The following SLC16A4 variants were observed in gnomAD, a reference collection of about 807,000 sequenced individuals.
The protein encoded by SLC16A4 is probable monocarboxylate transporter 5.
SLC16A4 carries 39 observed loss-of-function variants against 47.9 expected under a neutral mutation model. The observed-to-expected ratio is 0.81, with a 90% CI of 0.63 to 1.06. The LOEUF is 1.06. Ranked by LOEUF, SLC16A4 falls within the 50% of genes least tolerant of loss-of-function variation. The probability of loss-of-function intolerance (pLI) is 0.00; values close to 1 mark genes in which losing one functional copy is unlikely to be tolerated. For synonymous variants in SLC16A4, 189 were observed against 199.9 expected, an observed-to-expected ratio of 0.95 and a Z score of 0.46; for missense variants, 524 against 573.8, an observed-to-expected ratio of 0.91 and a Z score of 0.89.
intron 3 of SLC16A4, among the ~76,000 whole-genome samples, chr1:110,382,191 GC>G (rs1662438938): frequency 6.6e-6 from 1 of 152,210 alleles, no homozygotes; most frequent in African/African-American, 2.4e-5. Flanking sequence ...GAGGCTGGAC[GC>G]CGTGGCTCTT....
At chr1:110,373,136 C>T (rs1661774549) in intron 8 of SLC16A4, 1 of 152,108 alleles carries the variant, frequency 6.6e-6, no homozygotes, top group Non-Finnish European at 1.5e-5. Flanking sequence ...TTTGACTTGT[C>T]TTCTCGGAGT....
At chr1:110,380,292 C>T (rs1662300620) in intron 5 of SLC16A4, among the ~76,000 whole-genome samples, 2 of 152,066 alleles carry the variant, frequency 1.3e-5, no homozygotes, top group South Asian at 4.1e-4. Flanking sequence ...TCCCATTCAC[C>T]ATGAGACTAC....
In SLC16A4 at chr1:110,376,972, A is replaced by G; in HGVS notation, c.1220T>C (p.Leu407Pro). The G allele has an allele frequency of 6.2e-7, 1 of 1,614,052 alleles. No homozygotes were observed. The highest frequency in any genetic ancestry group is 8.5e-7 in the Non-Finnish European group (1 of 1,179,924). ...CACCAGTACAGGCAGTATCAATGCC[A>G]GGTAACCACCAGCAAAGATGGCAAA... ...ICFAIFAGGY[L>P]ALILPVLVDL... Residue 407 changes from leucine to proline, a missense_variant, in exon 7 of 9, where the codon CTG (leucine) becomes CCG (proline). Leu to Pro is a moderately conservative substitution (Grantham distance 98). Coordinates refer to ENST00000369779, the MANE Select transcript of SLC16A4 (RefSeq NM_004696.3).
intron 8 of SLC16A4, chr1:110,370,472 T>C (rs758695728): frequency 1.3e-5 from 2 of 152,126 alleles, no homozygotes; most frequent in Non-Finnish European, 2.9e-5. Flanking sequence ...TATCTGAAAT[T>C]GAGGATGGGA....
At chr1:110,363,936 C>A in intron 8 of SLC16A4, 43 bp from the exon 9 acceptor site, 1 of 1,584,868 alleles carries the variant, frequency 6.3e-7, no homozygotes, top group South Asian at 1.2e-5. Flanking sequence ...GAAATTTTGC[C>A]ATTAGTAACT....
intron 8 of SLC16A4, among the ~76,000 whole-genome samples, chr1:110,369,080 A>G (rs753370656): frequency 6.6e-5 from 10 of 150,660 alleles, no homozygotes; most frequent in South Asian, 2.1e-4. Context: ...CCAACCTCCC[A>G]AGTAGCTGGG....
chr1:110,379,069 A>G lies in SLC16A4; in HGVS notation c.814T>C (p.Leu272=), dbSNP rs746499286. The G allele has an allele frequency of 6.2e-7, 1 of 1,614,238 alleles. No individual in the cohort carries two copies. Among genetic ancestry groups the G allele is most frequent in the South Asian group, 1.1e-5 (1 of 91,088 alleles). ...TCACTTTCTTCATCACTCTTTAATA[A>G]CAGTCTGTTCCTGTTAGGCCCATTG... ...FYNGPNRNRL[L]LKSDEESDKV... Residue 272 remains leucine, a synonymous_variant, in exon 6 of 9, where the codon TTA becomes CTA. Transcript: ENST00000369779.
intron 8 of SLC16A4, among the ~76,000 whole-genome samples, chr1:110,374,097 C>G (rs1419103204): frequency 6.7e-6 from 1 of 150,140 alleles, no homozygotes; most frequent in Non-Finnish European, 1.5e-5. Flanking sequence ...TGAAGTGGTG[C>G]AAAGTGAAGT....
rs1189993368 is a variant in SLC16A4 at position 110,381,651 on chromosome 1, C to G, written c.364+1G>C. The stretch of plus-strand genomic sequence containing the variant: ...TGGTCACATAATTACAATGGACTCA[C>G]CGGGTAGAAGTCCCATAGTCACACA... On this transcript the variant is annotated splice_donor_variant, in intron 4 of 8. Coordinates refer to ENST00000369779, the MANE Select transcript of SLC16A4 (RefSeq NM_004696.3). LOFTEE classifies it high-confidence loss of function. 1.2e-6 allele frequency: 2 copies of G among 1,610,230 alleles called. No homozygotes were observed. Among genetic ancestry groups the G allele is most frequent in the Non-Finnish European group, 1.7e-6 (2 of 1,179,126 alleles).
chr1:110,363,879 A>G lies in SLC16A4; in HGVS notation c.1351T>C (p.Tyr451His), dbSNP rs985614996. Residue 451 changes from tyrosine (Y) to histidine (H), a missense_variant, in exon 9 of 9, where the codon TAT (tyrosine) becomes CAT (histidine). By Grantham distance (83) the Tyr-to-His change is moderately conservative (BLOSUM62 2). Coordinates refer to ENST00000369779, the MANE Select transcript of SLC16A4 (RefSeq NM_004696.3). The stretch of plus-strand genomic sequence containing the variant: ...AAAGAGCCATTGTATGTCTGGGTAT[A>G]ATCATATAACCAGCCTGGAAGGAAG... ...GPPIAGWLYD[Y>H]TQTYNGSFYF... 23 of 1,611,046 alleles carry G rather than the reference A, an allele frequency of 1.4e-5. No individual in the cohort carries two copies. The highest frequency in any genetic ancestry group is 2.0e-5 in the Non-Finnish European group (23 of 1,178,998).
chr1:110,381,277 T>C, intron 4 of SLC16A4, 134 bp from the exon 5 acceptor site: 1 of 704,114 alleles, frequency 1.4e-6, no homozygotes, highest in African/African-American at 1.8e-5. Context: ...AAGAGTCCTG[T>C]TCCATCTTCT....
At chr1:110,370,498 C>G (rs722570) in intron 8 of SLC16A4, 1 of 151,914 alleles carries the variant, frequency 6.6e-6, no homozygotes, top group African/African-American at 2.4e-5. Context: ...AGGAAATGAC[C>G]TATCATTTCA....
chr1:110,380,860 C>T (rs1570648440), intron 5 of SLC16A4, 122 bp downstream of exon 5: 1 of 816,186 alleles, frequency 1.2e-6, no homozygotes. Flanking sequence ...ATGCTCATTT[C>T]CTCTCTTGCA....
At chr1:110,382,322 G>C (rs183631707) in intron 3 of SLC16A4, among the ~76,000 whole-genome samples, 137 of 152,306 alleles carry the variant, frequency 9.0e-4, no homozygotes, top group Non-Finnish European at 1.7e-3. Flanking sequence ...AGCCAGGCAT[G>C]GTGGCGGGCG....
At chr1:110,363,950 A>G in intron 8 of SLC16A4, 57 bp from the exon 9 acceptor site, 1 of 1,555,768 alleles carries the variant, frequency 6.4e-7, no homozygotes, top group Non-Finnish European at 8.7e-7. Flanking sequence ...AGTAACTCTC[A>G]GCCATGAATA....
chr1:110,364,455 C>A (rs1661258320), intron 8 of SLC16A4, among the ~76,000 whole-genome samples: 1 of 149,702 alleles, frequency 6.7e-6, no homozygotes, highest in Non-Finnish European at 1.5e-5. Context: ...ACTGCTTGAT[C>A]ACGTGGGTTA....
In SLC16A4 at chr1:110,363,694, G is replaced by A. The variant is rs1423253901; in HGVS notation, c.*72C>T. 1 of 1,382,970 alleles carries A rather than the reference G, an allele frequency of 7.2e-7. No homozygotes were observed. Among genetic ancestry groups the A allele is most frequent in the Non-Finnish European group, 9.7e-7 (1 of 1,033,600 alleles). 85.7% of individuals were successfully genotyped at this position (1,382,970 alleles called of 1,614,324 possible). A position where few individuals can be genotyped will look rare whatever the true frequency, so the allele number is the denominator to read the frequency against. Reference sequence around the variant, plus strand: ...TGTAGATGCGATGTGTTTCTTTCAAGCTTTTGTTTCCAATGACATTAGTTT... The same window carrying A: ...TGTAGATGCGATGTGTTTCTTTCAAACTTTTGTTTCCAATGACATTAGTTT... On this transcript the variant is annotated 3_prime_UTR_variant, in exon 9 of 9. Transcript: ENST00000369779.
At chr1:110,383,092 C>G in intron 2 of SLC16A4, 126 bp from the exon 3 acceptor site, 1 of 741,610 alleles carries the variant, frequency 1.3e-6, no homozygotes, top group Non-Finnish European at 2.1e-6. Context: ...ATTGGTTGAG[C>G]CTCATTATAC....
chr1:110,372,306 T>C (rs954962220), intron 8 of SLC16A4: 1 of 152,362 alleles, frequency 6.6e-6, no homozygotes, highest in East Asian at 1.9e-4. Context: ...TACTCTTTTA[T>C]AGGAGTTTCA....
Sources: allele counts gnomAD v4.1 joint callset (sites outside exome capture counted in the v4.1 genomes callset), GRCh38; gene constraint gnomAD v4.1.1; transcripts MANE v1.5; gene names NCBI Gene and HGNC (gene_info 2026-07-23, HGNC 2026-07-21).